Variants in KIF13A observed in about 807,000 individuals in gnomAD.
KIF13A encodes kinesin family member 13A.
In KIF13A, 79 loss-of-function variants were observed where a neutral mutation model predicts 212.2. The ratio of observed to expected loss-of-function variants is 0.37; its 90% CI spans 0.31 to 0.45. The LOEUF (loss-of-function observed/expected upper bound fraction) is 0.45. Among genes scored for constraint, KIF13A ranks in the 20% least tolerant of loss-of-function variants. The pLI, the probability that KIF13A is intolerant of heterozygous loss-of-function variation, is 1.00. For synonymous variants in KIF13A, 789 were observed against 808.6 expected, an observed-to-expected ratio of 0.98 and a Z score of 0.41; for missense variants, 1,901 against 2,209.0, an observed-to-expected ratio of 0.86 and a Z score of 2.79.
chr6:17,850,505 G>GCAAAAACA lies in KIF13A; in HGVS notation c.583-49_583-48insTGTTTTTG. On this transcript the variant is annotated intron_variant, in intron 7 of 38. Coordinates refer to ENST00000259711, the MANE Select transcript of KIF13A (RefSeq NM_022113.6). This position sits in a 1 kb window ranked among gnomAD's most constrained non-coding sequence, Gnocchi z 6.2. ...AGACCATAAGCAAAAACACAAGAAT[G>GCAAAAACA]TAGTCCTGCACACCAGGTATATGTA... The GCAAAAACA allele has an allele frequency of 6.4e-7, 1 of 1,559,286 alleles. No individual in the cohort carries two copies. The highest frequency in any genetic ancestry group is 1.4e-5 in the African/African-American group (1 of 73,812).
At chr6:17,766,444 G>A (rs1758993637) in intron 38 of KIF13A, among the ~76,000 whole-genome samples, 1 of 152,042 alleles carries the variant, frequency 6.6e-6, no homozygotes, top group Non-Finnish European at 1.5e-5. Flanking sequence ...CTCCATGTTG[G>A]TCAGGCTTGT....
At chr6:17,779,249 ATATATATATTTTTTTTTTTTTTTTTTTTT>A (rs532019275) in intron 32 of KIF13A, 150 bp from the exon 33 acceptor site, 6,020 of 22,864 alleles carry the variant, frequency 0.26, 446 homozygotes, top group African/African-American at 0.44. Context: ...ATATATATAT[ATATATATATTTTTTTTTTTTTTTTTTTTT>A]TTTTTTTTTT....
chr6:17,785,786 G>T lies in KIF13A; in HGVS notation c.3362-145C>A, dbSNP rs757041290. 1.2e-5 allele frequency: 10 copies of T among 823,262 alleles called. No individual in the cohort carries two copies. Among genetic ancestry groups the T allele is most frequent in the Non-Finnish European group, 1.9e-5 (10 of 525,684 alleles). The allele number at this position is 823,262 out of a possible 1,614,324, so 51.0% of individuals were successfully genotyped here. The stretch of plus-strand genomic sequence containing the variant: ...AAATAGTTGGGCAGGGTGGTGGTAC[G>T]CATGCCTGTAGTCCCAGATACTCAG... On this transcript the variant is annotated intron_variant, in intron 27 of 38. Transcript: ENST00000259711. The surrounding 1 kb of genome is among the most constrained non-coding windows in gnomAD (Gnocchi z 5.8).
At chr6:17,972,564 T>G (rs1454685259) in intron 2 of KIF13A, among the ~76,000 whole-genome samples, 1 of 152,170 alleles carries the variant, frequency 6.6e-6, no homozygotes, top group Admixed American at 6.5e-5. Flanking sequence ...TTCAACAAAC[T>G]ACATGTGGAT....
chr6:17,920,882 A>C (rs1775014043), intron 2 of KIF13A, among the ~76,000 whole-genome samples: 1 of 152,088 alleles, frequency 6.6e-6, no homozygotes, highest in African/African-American at 2.4e-5. Context: ...TCAAAAAAAA[A>C]AAAAAAAAAG....
Position 17,780,784 on chromosome 6 carries a change from A to C in KIF13A, c.3792T>G (p.Ala1264=). 6.2e-7 allele frequency: 1 copy of C among 1,614,054 alleles called. No individual in the cohort carries two copies. Among genetic ancestry groups the C allele is most frequent in the South Asian group, 1.1e-5 (1 of 91,088 alleles). Residue 1264 remains alanine, a synonymous_variant, in exon 31 of 39, where the codon GCT becomes GCG. Transcript: ENST00000259711. Reference sequence around the variant, plus strand: ...GTTTTCGTAATACTAACTCCATAGCAGCAGGGTGGCTGAGTTGAACTGTGG... The same window carrying C: ...GTTTTCGTAATACTAACTCCATAGCCGCAGGGTGGCTGAGTTGAACTGTGG... ...VKTTVQLSHP[A]AMELVLRKRI... is the part of the protein sequence containing the mutation.
intron 4 of KIF13A, among the ~76,000 whole-genome samples, chr6:17,858,252 T>C (rs1768353067): frequency 6.6e-6 from 1 of 152,124 alleles, no homozygotes; most frequent in Non-Finnish European, 1.5e-5. Flanking sequence ...AGCATAGATG[T>C]TTGGTAACTT....
chr6:17,945,827 G>A (rs777756822), intron 2 of KIF13A, among the ~76,000 whole-genome samples: 112 of 152,234 alleles, frequency 7.4e-4, no homozygotes, highest in Middle Eastern at 3.4e-3. Context: ...CTGCCTCAGA[G>A]ACAGACAAAC....
At chr6:17,847,936 C>T (rs1243623546) in intron 9 of KIF13A, among the ~76,000 whole-genome samples, 10 of 152,000 alleles carry the variant, frequency 6.6e-5, no homozygotes, top group East Asian at 1.9e-4. Context: ...CTCAGCCTCC[C>T]GAGTAGCTGG....
At position 17,926,880 on chromosome 6, in the gene KIF13A, G is replaced by T. The variant is rs145114555; in HGVS notation, c.147-28700C>A. On this transcript the variant is annotated intron_variant, in intron 2 of 38. Coordinates refer to ENST00000259711, the MANE Select transcript of KIF13A (RefSeq NM_022113.6). This position sits in a 1 kb window ranked among gnomAD's most constrained non-coding sequence, Gnocchi z 4.3. ...GGACTGGGCGCGGTGGCTCATACCT[G>T]TAATCTCGGCACTTTGGGAGGTCGA... 2.0e-5 allele frequency among the ~76,000 whole-genome samples: 3 copies of T among 152,274 alleles called. No homozygotes were observed. The highest frequency in any genetic ancestry group is 7.2e-5 in the African/African-American group (3 of 41,564).
In KIF13A at chr6:17,926,483, C is replaced by G. The variant is rs1270434148; in HGVS notation, c.147-28303G>C. Among the ~76,000 whole-genome samples the G allele has an allele frequency of 6.6e-6, 1 of 152,124 alleles. No individual in the cohort carries two copies. The highest frequency in any genetic ancestry group is 2.4e-5 in the African/African-American group (1 of 41,432). The stretch of plus-strand genomic sequence containing the variant: ...CCAGCCTCAAGTGATCTGCCTGCCT[C>G]GGCCTCCCAAAGTGCTGGTATTACA... On this transcript the variant is annotated intron_variant, in intron 2 of 38. Coordinates refer to ENST00000259711, the MANE Select transcript of KIF13A (RefSeq NM_022113.6). The surrounding 1 kb of genome is among the most constrained non-coding windows in gnomAD (Gnocchi z 4.3).
intron 33 of KIF13A, among the ~76,000 whole-genome samples, chr6:17,778,491 C>T (rs1057381502): frequency 6.6e-6 from 1 of 152,030 alleles, no homozygotes; most frequent in African/African-American, 2.4e-5. Context: ...CTGTTGTCAC[C>T]TCAAAAGTTA....
intron 2 of KIF13A, among the ~76,000 whole-genome samples, chr6:17,975,127 T>TA (rs1276640239): frequency 6.6e-5 from 10 of 152,144 alleles, no homozygotes; most frequent in Non-Finnish European, 1.3e-4. Flanking sequence ...GCAGATCATT[T>TA]GAGGTCAGCA....
intron 16 of KIF13A, among the ~76,000 whole-genome samples, chr6:17,822,183 A>T (rs1001091581): frequency 6.6e-6 from 1 of 151,960 alleles, no homozygotes; most frequent in Admixed American, 6.6e-5. Context: ...CTGAGACTAC[A>T]GGCACGCATC....
intron 2 of KIF13A, among the ~76,000 whole-genome samples, chr6:17,970,809 G>A (rs566381429): frequency 6.6e-6 from 1 of 152,246 alleles, no homozygotes; most frequent in Non-Finnish European, 1.5e-5. Flanking sequence ...ATTCACCTGA[G>A]CAGTTTGTCT....
chr6:17,902,944 C>A (rs1773177295), intron 2 of KIF13A, among the ~76,000 whole-genome samples: 1 of 152,152 alleles, frequency 6.6e-6, no homozygotes, highest in African/African-American at 2.4e-5. Flanking sequence ...TAAACATAAT[C>A]CAGTTGTGAG....
At chr6:17,859,460 C>A (rs538374944) in intron 4 of KIF13A, among the ~76,000 whole-genome samples, 25 of 149,060 alleles carry the variant, frequency 1.7e-4, no homozygotes, top group East Asian at 5.9e-4. Flanking sequence ...AAAAAAAAAA[C>A]CAAAAAAACA....
At chr6:17,818,635 C>T (rs1005228029) in intron 16 of KIF13A, among the ~76,000 whole-genome samples, 23 of 152,156 alleles carry the variant, frequency 1.5e-4, no homozygotes, top group African/African-American at 5.6e-4. Context: ...GCTTTGCATG[C>T]ATCACTTCAT....
chr6:17,921,768 T>A (rs1480163259), intron 2 of KIF13A, among the ~76,000 whole-genome samples: 1 of 152,160 alleles, frequency 6.6e-6, no homozygotes, highest in Non-Finnish European at 1.5e-5. Context: ...AAGACTAGCC[T>A]GCTTCTGGTT....
Sources: allele counts gnomAD v4.1 joint callset (sites outside exome capture counted in the v4.1 genomes callset), GRCh38; gene constraint gnomAD v4.1.1; non-coding constraint Gnocchi (gnomAD v3.1); transcripts MANE v1.5; gene names NCBI Gene and HGNC (gene_info 2026-07-23, HGNC 2026-07-21).